Variants in ADAMTSL1 observed in about 807,000 individuals in gnomAD.
ADAMTSL1 encodes ADAMTS like 1.
A neutral mutation model predicts 201.8 loss-of-function variants in ADAMTSL1; 126 were observed. That is an observed-to-expected ratio of 0.62 (90% CI 0.54 to 0.72). The LOEUF (loss-of-function observed/expected upper bound fraction) is 0.72, where lower values mean the gene tolerates loss of function less well. Ranked by LOEUF, ADAMTSL1 falls within the 30% of genes least tolerant of loss-of-function variation. ADAMTSL1 has a pLI of 0.00. For missense variants in ADAMTSL1, 2,679 were observed against 2,277.8 expected, an observed-to-expected ratio of 1.18 and a Z score of -3.59; for synonymous variants, 1,121 against 903.4, an observed-to-expected ratio of 1.24 and a Z score of -4.32.
chr9:18,779,797 G>T (rs939583218), intron 19 of ADAMTSL1, among the ~76,000 whole-genome samples: 2 of 152,162 alleles, frequency 1.3e-5, no homozygotes, highest in African/African-American at 4.8e-5. Context: ...AGTCCTATCG[G>T]TGCACCTGCT....
chr9:18,604,992 T>A (rs776444623), intron 4 of ADAMTSL1, among the ~76,000 whole-genome samples: 10 of 151,968 alleles, frequency 6.6e-5, no homozygotes, highest in Non-Finnish European at 1.2e-4. Flanking sequence ...CCATAAAGAG[T>A]GTTGATTAAA....
rs926591596 is a variant in ADAMTSL1, at chr9:18,453,506, C to G, written c.208-51323C>G. Among the ~76,000 whole-genome samples, 30 of 152,190 alleles carry G rather than the reference C, an allele frequency of 2.0e-4. No homozygotes were observed. In the East Asian group the frequency reaches 5.4e-3, roughly 27 times the overall value. ...ATGCTTTTTTAATTTTTTTCAGGGCCAGGCTGAAATTTTTCAAAATCTTTT... is the reference window on the plus strand; with the variant it reads ...ATGCTTTTTTAATTTTTTTCAGGGCGAGGCTGAAATTTTTCAAAATCTTTT... On this transcript the variant is annotated intron_variant, in intron 2 of 29. Coordinates refer to the ADAMTSL1 transcript ENST00000680146.
chr9:18,694,501 G>C (rs1831429652), intron 13 of ADAMTSL1, among the ~76,000 whole-genome samples: 2 of 152,140 alleles, frequency 1.3e-5, no homozygotes, highest in Non-Finnish European at 2.9e-5. Flanking sequence ...TTCTAAACGG[G>C]AGAAATTAGC....
chr9:18,618,026 G>C (rs1184918267), intron 4 of ADAMTSL1, among the ~76,000 whole-genome samples: 1 of 152,154 alleles, frequency 6.6e-6, no homozygotes, highest in East Asian at 1.9e-4. Context: ...TCCAGAATGG[G>C]GTGGGTCTGG....
chr9:18,316,707 G>A (rs146277793), intron 2 of ADAMTSL1, among the ~76,000 whole-genome samples: 43 of 152,082 alleles, frequency 2.8e-4, no homozygotes, highest in African/African-American at 9.4e-4. Flanking sequence ...TTATTCCAGG[G>A]TCCTGAGGCG....
intron 19 of ADAMTSL1, among the ~76,000 whole-genome samples, chr9:18,782,036 C>T (rs2133782681): frequency 6.6e-6 from 1 of 152,248 alleles, no homozygotes; most frequent in Non-Finnish European, 1.5e-5. Context: ...TACAGGGTGT[C>T]CTTAGTGTGT....
chr9:18,127,468 T>A (rs1231762927), intron 1 of ADAMTSL1, among the ~76,000 whole-genome samples: 1 of 124,910 alleles, frequency 8.0e-6, no homozygotes, highest in Non-Finnish European at 1.7e-5. Context: ...GGTGCATGCA[T>A]AGGCACATAC....
chr9:18,669,771 A>G (rs1829698803), intron 9 of ADAMTSL1, among the ~76,000 whole-genome samples: 1 of 152,174 alleles, frequency 6.6e-6, no homozygotes. Flanking sequence ...ATAGAGTCCA[A>G]TAGCATGGGT....
At chr9:18,328,244 C>A (rs545999844) in intron 2 of ADAMTSL1, among the ~76,000 whole-genome samples, 1 of 152,104 alleles carries the variant, frequency 6.6e-6, no homozygotes, top group Non-Finnish European at 1.5e-5. Flanking sequence ...TGTTCTCAGC[C>A]GAATATAATG....
At chr9:18,254,262 CA>C in intron 2 of ADAMTSL1, among the ~76,000 whole-genome samples, 1 of 144,318 alleles carries the variant, frequency 6.9e-6, no homozygotes, top group Non-Finnish European at 1.5e-5. Context: ...TGAGGGCTAA[CA>C]TTTACGGACG....
intron 2 of ADAMTSL1, among the ~76,000 whole-genome samples, chr9:18,355,594 A>G (rs912529437): frequency 6.6e-6 from 1 of 152,254 alleles, no homozygotes; most frequent in African/African-American, 2.4e-5. Context: ...ATTCTGTTTC[A>G]GACTAGTCCA....
In ADAMTSL1 at chr9:18,657,731, C is replaced by A; in HGVS notation, c.927C>A (p.Cys309Ter). The A allele has an allele frequency of 6.2e-7, 1 of 1,613,848 alleles. No individual in the cohort carries two copies. Among genetic ancestry groups the A allele is most frequent in the Non-Finnish European group, 8.5e-7 (1 of 1,179,722 alleles). ...GGAGGGAGACGGATTTCTTTCCTTG[C>A]TCAGCAACCTGTGGAGGAGGTAATG... ...HRWRETDFFP[C>*]SATCGGGYQL... The change falls in exon 8 of 29, where the codon TGC becomes TGA. Residue 309 changes from cysteine to a stop codon, truncating the protein, a stop_gained. Coordinates refer to ENST00000380548, the MANE Select transcript of ADAMTSL1 (RefSeq NM_001040272.6). LOFTEE classifies it high-confidence loss of function.
chr9:18,257,420 T>C (rs1831730943), intron 2 of ADAMTSL1, among the ~76,000 whole-genome samples: 1 of 152,142 alleles, frequency 6.6e-6, no homozygotes, highest in Non-Finnish European at 1.5e-5. Context: ...GAAAAGATGC[T>C]CAACACCCCA....
intron 2 of ADAMTSL1, among the ~76,000 whole-genome samples, chr9:18,361,003 T>A (rs1027451233): frequency 1.8e-4 from 27 of 151,966 alleles, no homozygotes; most frequent in African/African-American, 4.8e-4. Flanking sequence ...CTCAGAAAAA[T>A]GGTGATTAGA....
chr9:18,354,979 A>G (rs1363073506), intron 2 of ADAMTSL1, among the ~76,000 whole-genome samples: 3 of 148,334 alleles, frequency 2.0e-5, no homozygotes, highest in East Asian at 3.9e-4. Flanking sequence ...TCTATAAATA[A>G]ACAAACAAAC....
Position 18,775,777 on chromosome 9 carries a change from G to T in ADAMTSL1, c.2432G>T (p.Arg811Leu), listed in dbSNP as rs1012141161. Residue 811 changes from arginine (R) to leucine (L), a missense_variant, in exon 18 of 29, where the codon CGA becomes CTA. Arg to Leu is a moderately radical substitution (Grantham distance 102). Coordinates refer to ENST00000380548, the MANE Select transcript of ADAMTSL1 (RefSeq NM_001040272.6). The part of the protein sequence containing the change: ...STSCGEGTQT[R>L]SAICRKMLKT... Reference sequence around the variant, plus strand: ...AGCTGCGGGGAAGGCACCCAGACTCGAAGCGCCATTTGCCGAAAGATGCTG... The same window carrying T: ...AGCTGCGGGGAAGGCACCCAGACTCTAAGCGCCATTTGCCGAAAGATGCTG... The T allele has an allele frequency of 6.2e-7, 1 of 1,612,898 alleles. No homozygotes were observed. Among genetic ancestry groups the T allele is most frequent in the Non-Finnish European group, 8.5e-7 (1 of 1,179,506 alleles).
chr9:18,251,219 G>A (rs1831452867), intron 2 of ADAMTSL1, among the ~76,000 whole-genome samples: 1 of 152,020 alleles, frequency 6.6e-6, no homozygotes, highest in Non-Finnish European at 1.5e-5. Flanking sequence ...AAACAGACTT[G>A]GAAGACATAT....
chr9:18,584,327 C>T (rs565403090), intron 4 of ADAMTSL1, among the ~76,000 whole-genome samples: 3 of 151,448 alleles, frequency 2.0e-5, no homozygotes, highest in Non-Finnish European at 4.4e-5. Flanking sequence ...TGTCTGCCAC[C>T]ATGTGAGATG....
At chr9:18,825,995 C>A (rs905184381) in intron 21 of ADAMTSL1, 2 of 561,770 alleles carry the variant, frequency 3.6e-6, no homozygotes, top group Non-Finnish European at 6.3e-6. Context: ...TTTGTACTGG[C>A]CTCCCTCTTC....
Sources: allele counts gnomAD v4.1 joint callset (sites outside exome capture counted in the v4.1 genomes callset), GRCh38; gene constraint gnomAD v4.1.1; transcripts MANE v1.5; gene names NCBI Gene and HGNC (gene_info 2026-07-23, HGNC 2026-07-21).